GART: variants seen among roughly 807,000 people sequenced by gnomAD.
The protein encoded by GART is trifunctional purine biosynthetic protein adenosine-3.
GART carries 43 observed loss-of-function variants against 107.2 expected under a neutral mutation model. The ratio of observed to expected loss-of-function variants is 0.40; its 90% confidence interval spans 0.31 to 0.52. GART has a LOEUF of 0.52. Among genes scored for constraint, GART ranks in the 20% least tolerant of loss-of-function variants. GART has a pLI of 0.52. For missense variants in GART, 1,107 were observed against 1,206.5 expected (o/e 0.92, Z 1.22); for synonymous variants, 434 against 427.0 (o/e 1.02, Z -0.20).
rs2085448473 is a variant in GART at position 33,542,109 on chromosome 21, A to C, written c.-86T>G. 6.6e-6 allele frequency: 1 copy of C among 152,244 alleles called. No homozygotes were observed. Among genetic ancestry groups the C allele is most frequent in the Non-Finnish European group, 1.5e-5 (1 of 68,066 alleles). 9.4% of individuals were successfully genotyped at this position (152,244 alleles called of 1,614,324 possible). A position where few individuals can be genotyped will look rare whatever the true frequency, so the allele number is the denominator to read the frequency against. On this transcript the variant is annotated 5_prime_UTR_variant, in exon 1 of 22. Transcript: ENST00000381815. ...GGTTCCCGCTTGCCCGCTCGCCGGA[A>C]GTCGGCCCACCGGGACCGGCGCGGG...
In GART at chr21:33,511,272, C is replaced by T. The variant is rs2084780101; in HGVS notation, c.2294G>A (p.Ser765Asn). 1 of 1,614,064 alleles carries T rather than the reference C, an allele frequency of 6.2e-7. No individual in the cohort carries two copies. Among genetic ancestry groups the T allele is most frequent in the Non-Finnish European group, 8.5e-7 (1 of 1,180,036 alleles). Residue 765 changes from serine (S) to asparagine (N), a missense_variant, in exon 17 of 22, where the codon AGT (serine) becomes AAT (asparagine). Coordinates refer to ENST00000381815, the MANE Select transcript of GART (RefSeq NM_000819.5). ...QHKEEAWVIG[S>N]VVARAEGSPR... ...AGTACCTTCAGCTCGTGCAACCACACTGCCAATCACCCAGGCTTCTTCCTT... is the reference window on the plus strand; with the variant it reads ...AGTACCTTCAGCTCGTGCAACCACATTGCCAATCACCCAGGCTTCTTCCTT...
intron 12 of GART, 32 bp downstream of exon 12, chr21:33,522,156 T>C: frequency 6.7e-7 from 1 of 1,489,170 alleles, no homozygotes; most frequent in South Asian, 1.1e-5. Context: ...TATATCAAAG[T>C]TAATGAATTA....
In GART at chr21:33,528,398, C is replaced by G. The variant is rs1282117874; in HGVS notation, c.898-63G>C. ...TTTAGTTTTCCTTAAACATTTTATT[C>G]ACTGGTGTACTAGCAGAACTTGCAT... On this transcript the variant is annotated intron_variant, in intron 9 of 21. Coordinates refer to ENST00000381815, the MANE Select transcript of GART (RefSeq NM_000819.5). 2.2e-5 allele frequency: 35 copies of G among 1,573,810 alleles called. 1 individual carries two copies. The highest frequency in any genetic ancestry group is 7.0e-6 in the Non-Finnish European group (8 of 1,148,464).
rs773415473 is a variant in GART at position 33,534,743 on chromosome 21, C to A, written c.252G>T (p.Gly84=). Residue 84 remains glycine, a synonymous_variant, in exon 4 of 22, where the codon GGG becomes GGT. Transcript: ENST00000381815. ...ATTGCACTCCTGCAGACCTCAGGTTCCCAACAATCCCTATTGATGAAAACA... is the reference window on the plus strand; with the variant it reads ...ATTGCACTCCTGCAGACCTCAGGTTACCAACAATCCCTATTGATGAAAACA... ...PEAPLAAGIV[G]NLRSAGVQCF... 6 of 1,580,418 alleles carry A rather than the reference C, an allele frequency of 3.8e-6. No homozygotes were observed. The highest frequency in any genetic ancestry group is 1.4e-5 in the African/African-American group (1 of 73,006).
intron 16 of GART, among the ~76,000 whole-genome samples, chr21:33,513,553 G>A (rs1236672143): frequency 1.3e-5 from 2 of 152,092 alleles, no homozygotes; most frequent in African/African-American, 4.8e-5. Context: ...CTGGGCGACA[G>A]GGTGAGACTC....
intron 16 of GART, among the ~76,000 whole-genome samples, chr21:33,515,563 C>T (rs2084859144): frequency 1.3e-5 from 2 of 148,578 alleles, no homozygotes; most frequent in African/African-American, 5.0e-5. Flanking sequence ...TCAGTTGAAT[C>T]CAGGAGGCGG....
At chr21:33,535,109 C>T (rs1479360810) in intron 3 of GART, 116 bp downstream of exon 3, 4 of 672,086 alleles carry the variant, frequency 6.0e-6, no homozygotes, top group Non-Finnish European at 9.2e-6. Context: ...AGAGTGGAAG[C>T]TCTTTTTCCA....
At chr21:33,506,147 C>CTTTT (rs375511825) in intron 18 of GART, 43 bp from the exon 19 acceptor site, 2 of 1,252,786 alleles carry the variant, frequency 1.6e-6, no homozygotes, top group African/African-American at 1.6e-5. Flanking sequence ...ACTACTACTT[C>CTTTT]TTTTTTTTTT....
chr21:33,532,171 T>G (rs1410632870), intron 5 of GART, 174 bp downstream of exon 5: 1 of 600,118 alleles, frequency 1.7e-6, no homozygotes, highest in Non-Finnish European at 2.9e-6. Context: ...ATTTACAGTG[T>G]AAATCCATAA....
At chr21:33,533,414 C>T (rs547629434) in intron 4 of GART, among the ~76,000 whole-genome samples, 14 of 146,862 alleles carry the variant, frequency 9.5e-5, no homozygotes, top group Non-Finnish European at 1.8e-4. Context: ...CACTGCAGTC[C>T]GGCCTGGGTG....
Position 33,532,408 on chromosome 21 carries a change from T to G in GART, c.465A>C (p.Gly155=). The G allele has an allele frequency of 6.2e-7, 1 of 1,614,076 alleles. No homozygotes were observed. Among genetic ancestry groups the G allele is most frequent in the East Asian group, 2.2e-5 (1 of 44,876 alleles). Residue 155 remains glycine (G), a synonymous_variant, in exon 5 of 22, where the codon GGA becomes GGC. Coordinates refer to ENST00000381815, the MANE Select transcript of GART (RefSeq NM_000819.5). Reference sequence around the variant, plus strand: ...TGCTCTTTGCAACAATCACCCCTTTTCCAGCTGCAAGACCACTGGCCTTCA... The same window carrying G: ...TGCTCTTTGCAACAATCACCCCTTTGCCAGCTGCAAGACCACTGGCCTTCA... The part of the protein sequence containing the change: ...LVVKASGLAA[G]KGVIVAKSKE...
intron 16 of GART, among the ~76,000 whole-genome samples, chr21:33,516,245 CTA>C (rs1491398260): frequency 1.7e-5 from 1 of 59,692 alleles, no homozygotes; most frequent in Non-Finnish European, 3.3e-5. Flanking sequence ...GAGACTCTGT[CTA>C]AAAAAAAAAA....
At chr21:33,527,293 C>T (rs576653765) in intron 10 of GART, among the ~76,000 whole-genome samples, 47 of 152,120 alleles carry the variant, frequency 3.1e-4, no homozygotes, top group African/African-American at 1.1e-3. Flanking sequence ...ATGAGGTAGG[C>T]GGATCACTTG....
In GART at chr21:33,523,202, T is replaced by C. The variant is rs1233553150; in HGVS notation, c.1299-920A>G. On this transcript the variant is annotated intron_variant, in intron 11 of 21. Transcript: ENST00000381815. ...GGATGCAGTGATACATGAAGAAATA[T>C]GTGTTTTTATAGAAGTGTCTTTAAA... is the stretch of plus-strand genomic sequence containing the variant. 2.6e-5 allele frequency among the ~76,000 whole-genome samples: 4 copies of C among 152,206 alleles called. No homozygotes were observed. The East Asian group carries it at 5.8e-4, about 22-fold the overall frequency.
At position 33,525,054 on chromosome 21, in the gene GART, C is replaced by G. The variant is rs888759367; in HGVS notation, c.1067-54G>C. On this transcript the variant is annotated intron_variant, in intron 10 of 21. Coordinates refer to ENST00000381815, the MANE Select transcript of GART (RefSeq NM_000819.5). ...TTCAAATAGCAACAGTATTTCACAC[C>G]GTGAAGTGATTTACGATTTCCACAA... 1.0e-5 allele frequency: 16 copies of G among 1,545,602 alleles called. No individual in the cohort carries two copies. In the East Asian group the frequency reaches 3.0e-4, roughly 29 times the overall value.
rs538040108 is a variant in GART at position 33,524,945 on chromosome 21, G to T, written c.1122C>A (p.Leu374=). ...GLEVFHAGTA[L]KNGKVVTHGG... ...CATGAGTTACTACTTTGCCATTTTT[G>T]AGGGCAGTGCCTGCATGGAACACCT... is the stretch of plus-strand genomic sequence containing the variant. Residue 374 remains leucine, a synonymous_variant, in exon 11 of 22, where the codon CTC becomes CTA. Coordinates refer to ENST00000381815, the MANE Select transcript of GART (RefSeq NM_000819.5). 1.9e-6 allele frequency: 3 copies of T among 1,614,150 alleles called. No individual in the cohort carries two copies. Among genetic ancestry groups the T allele is most frequent in the South Asian group, 2.2e-5 (2 of 91,088 alleles).
In GART at chr21:33,534,732, G is replaced by A; in HGVS notation, c.263C>T (p.Ser88Phe). ...TGGGCCAAAGCATTGCACTCCTGCA[G>A]ACCTCAGGTTCCCAACAATCCCTAT... Reference protein sequence around the residue: ...LAAGIVGNLRSAGVQCFGPTA... With the variant: ...LAAGIVGNLRFAGVQCFGPTA... The change falls in exon 4 of 22, where the codon TCT becomes TTT. Residue 88 changes from serine (S) to phenylalanine (F), a missense_variant. Transcript: ENST00000381815. 1.3e-6 allele frequency: 2 copies of A among 1,598,196 alleles called. No homozygotes were observed. The highest frequency in any genetic ancestry group is 1.7e-6 in the Non-Finnish European group (2 of 1,173,606).
At chr21:33,516,699 A>G (rs2084885580) in intron 16 of GART, among the ~76,000 whole-genome samples, 1 of 152,168 alleles carries the variant, frequency 6.6e-6, no homozygotes, top group Admixed American at 6.6e-5. Flanking sequence ...CCTGGTGTGT[A>G]GGGCTCCATC....
chr21:33,514,241 T>C (rs538684775), intron 16 of GART, among the ~76,000 whole-genome samples: 1 of 152,094 alleles, frequency 6.6e-6, no homozygotes, highest in African/African-American at 2.4e-5. Flanking sequence ...GAACTCCAGT[T>C]GGGGCGACAG....
Sources: allele counts gnomAD v4.1 joint callset (sites outside exome capture counted in the v4.1 genomes callset), GRCh38; gene constraint gnomAD v4.1.1; transcripts MANE v1.5; gene names NCBI Gene and HGNC (gene_info 2026-07-23, HGNC 2026-07-21).